ASTN2: variants seen among roughly 807,000 people sequenced by gnomAD.
The protein encoded by ASTN2 is astrotactin-2.
ASTN2 carries 54 observed loss-of-function variants against 139.8 expected under a neutral mutation model. That is an observed-to-expected ratio of 0.39 (90% CI 0.31 to 0.48). ASTN2 has a LOEUF of 0.48. ASTN2 is among the 20% of genes least tolerant of loss of function. ASTN2 has a pLI of 0.95. For missense variants in ASTN2, 1,565 were observed against 1,725.1 expected (o/e 0.91, Z 1.64); for synonymous variants, 756 against 719.5 (o/e 1.05, Z -0.81).
intron 2 of ASTN2, 62 bp downstream of exon 2, chr9:117,291,264 T>A: frequency 1.3e-6 from 2 of 1,506,828 alleles, no homozygotes; most frequent in Non-Finnish European, 1.8e-6. Context: ...GCCCCCTCCA[T>A]CTCTCCACCC....
At chr9:117,046,915 T>C (rs984918403) in intron 5 of ASTN2, among the ~76,000 whole-genome samples, 2 of 152,212 alleles carry the variant, frequency 1.3e-5, no homozygotes, top group African/African-American at 4.8e-5. Context: ...TTGGTATTTT[T>C]TTCTAGCAAA....
chr9:116,511,698 T>G (rs532156208), intron 19 of ASTN2, among the ~76,000 whole-genome samples: 1 of 152,186 alleles, frequency 6.6e-6, no homozygotes, highest in Non-Finnish European at 1.5e-5. Context: ...ATTGGTCTAT[T>G]CAGAGATTCA....
chr9:117,225,558 T>C (rs1588106389), intron 2 of ASTN2, among the ~76,000 whole-genome samples: 1 of 104,108 alleles, frequency 9.6e-6, no homozygotes, highest in Non-Finnish European at 1.9e-5. Flanking sequence ...TATATATATA[T>C]ATATATATAT....
chr9:117,194,660 T>A (rs1342857643), intron 3 of ASTN2, among the ~76,000 whole-genome samples: 2 of 152,234 alleles, frequency 1.3e-5, no homozygotes, highest in East Asian at 3.8e-4. Flanking sequence ...ATGTCTTTCC[T>A]CTCCTGCTCA....
chr9:116,873,535 G>A (rs1268934493), intron 10 of ASTN2, among the ~76,000 whole-genome samples: 1 of 125,992 alleles, frequency 7.9e-6, no homozygotes, highest in Non-Finnish European at 1.8e-5. Flanking sequence ...ATTCACATGG[G>A]CTAATTATCT....
chr9:117,063,026 C>T (rs1357129088), intron 5 of ASTN2, among the ~76,000 whole-genome samples: 3 of 152,212 alleles, frequency 2.0e-5, no homozygotes, highest in Non-Finnish European at 2.9e-5. Flanking sequence ...GCTAACCAAC[C>T]TGTTGTATTC....
chr9:116,900,014 C>T (rs554177143), intron 10 of ASTN2, among the ~76,000 whole-genome samples: 97 of 152,302 alleles, frequency 6.4e-4, no homozygotes, highest in African/African-American at 2.3e-3. Context: ...ATCTGCATTC[C>T]CCATTCCCTA....
intron 5 of ASTN2, among the ~76,000 whole-genome samples, chr9:117,073,157 G>A (rs988160288): frequency 5.9e-5 from 9 of 151,460 alleles, no homozygotes; most frequent in African/African-American, 2.4e-5. Flanking sequence ...CTGGTTAGTC[G>A]CTCTCCGATG....
chr9:116,668,080 C>T (rs948576302), intron 16 of ASTN2, among the ~76,000 whole-genome samples: 2 of 152,070 alleles, frequency 1.3e-5, no homozygotes, highest in African/African-American at 2.4e-5. Flanking sequence ...CATCCATATC[C>T]CCTGCTCCCA....
At chr9:116,764,140 G>A (rs773194903) in intron 13 of ASTN2, among the ~76,000 whole-genome samples, 2 of 152,200 alleles carry the variant, frequency 1.3e-5, no homozygotes, top group African/African-American at 4.8e-5. Flanking sequence ...AGCTAGTGTG[G>A]CAGAGGCTGT....
intron 19 of ASTN2, among the ~76,000 whole-genome samples, chr9:116,607,945 A>G (rs1177348892): frequency 6.6e-6 from 1 of 152,228 alleles, no homozygotes; most frequent in East Asian, 1.9e-4. Flanking sequence ...TGGGCGACAG[A>G]GCGAGACTCC....
chr9:116,832,391 C>A (rs1264844954), intron 11 of ASTN2, among the ~76,000 whole-genome samples: 1 of 151,886 alleles, frequency 6.6e-6, no homozygotes, highest in Non-Finnish European at 1.5e-5. Flanking sequence ...ACTTCCCACA[C>A]GATGTTGAAT....
At chr9:117,055,683 T>C (rs1187514373) in intron 5 of ASTN2, among the ~76,000 whole-genome samples, 3 of 152,160 alleles carry the variant, frequency 2.0e-5, no homozygotes. Flanking sequence ...AAATCAGTCT[T>C]CGAGTACATG....
Position 117,226,330 on chromosome 9 carries a change from T to C in ASTN2, c.631-11588A>G, listed in dbSNP as rs1261943540. 5.3e-5 allele frequency among the ~76,000 whole-genome samples: 8 copies of C among 152,306 alleles called. No individual in the cohort carries two copies. The East Asian group carries it at 1.5e-3, about 29-fold the overall frequency. On this transcript the variant is annotated intron_variant, in intron 2 of 22. Transcript: ENST00000313400. ...AACCTTGGATAGGCTACTAAATTTC[T>C]CTGATCCTCATCTTTCTCATCTTAA...
At chr9:116,997,747 A>G (rs372052927) in intron 7 of ASTN2, among the ~76,000 whole-genome samples, 1 of 152,222 alleles carries the variant, frequency 6.6e-6, no homozygotes, top group Non-Finnish European at 1.5e-5. Flanking sequence ...ACTACCTAGA[A>G]GTGTTATTAT....
intron 6 of ASTN2, among the ~76,000 whole-genome samples, chr9:117,034,471 G>C (rs1465599568): frequency 2.6e-5 from 4 of 152,136 alleles, no homozygotes; most frequent in Non-Finnish European, 5.9e-5. Flanking sequence ...CATTGATAAA[G>C]TCAAAGGTGG....
At chr9:117,267,018 C>A (rs866507226) in intron 2 of ASTN2, among the ~76,000 whole-genome samples, 2 of 152,204 alleles carry the variant, frequency 1.3e-5, no homozygotes, top group African/African-American at 2.4e-5. Context: ...AGAAACCTGG[C>A]AGCCACCACC....
intron 3 of ASTN2, among the ~76,000 whole-genome samples, chr9:117,157,155 C>T (rs1270034932): frequency 2.6e-5 from 4 of 151,916 alleles, no homozygotes; most frequent in African/African-American, 9.7e-5. Context: ...TAATGATGCC[C>T]AAGAAAGGAA....
intron 13 of ASTN2, 147 bp downstream of exon 13, chr9:116,805,485 C>T: frequency 6.1e-6 from 4 of 660,936 alleles, no homozygotes; most frequent in Non-Finnish European, 1.0e-5. Context: ...GATGACTTTC[C>T]ACACTCCTTA....
Sources: gnomAD v4.1 joint callset for allele counts (sites outside exome capture counted in the v4.1 genomes callset) on GRCh38, gnomAD v4.1.1 for gene constraint, MANE v1.5 for transcripts, NCBI Gene and HGNC (gene_info 2026-07-23, HGNC 2026-07-21) for gene names.